CLIC5: variants seen among roughly 807,000 people sequenced by gnomAD.
The protein encoded by CLIC5 is chloride intracellular channel protein 5.
A neutral mutation model predicts 24.7 loss-of-function variants in CLIC5; 20 were observed. The ratio of observed to expected loss-of-function variants is 0.81; its 90% CI spans 0.57 to 1.18. CLIC5 has a LOEUF of 1.18. CLIC5 is among the 50% of genes most tolerant of loss of function. The pLI is 0.00. For synonymous variants in CLIC5, 159 were observed against 135.6 expected, an observed-to-expected ratio of 1.17 and a Z score of -1.20; for missense variants, 341 against 326.1, an observed-to-expected ratio of 1.05 and a Z score of -0.35.
chr6:46,077,188 CAT>C (rs1762794341), intron 1 of CLIC5, among the ~76,000 whole-genome samples: 1 of 151,990 alleles, frequency 6.6e-6, no homozygotes, highest in Non-Finnish European at 1.5e-5. Flanking sequence ...AAATGAATGA[CAT>C]ATGTTACTTA....
intron 1 of CLIC5, among the ~76,000 whole-genome samples, chr6:46,012,210 T>C (rs1427722144): frequency 6.6e-6 from 1 of 152,192 alleles, no homozygotes; most frequent in Non-Finnish European, 1.5e-5. Context: ...ATGGTCTCCT[T>C]ATTTATAACC....
chr6:46,061,697 T>C (rs1475510299), intron 1 of CLIC5, among the ~76,000 whole-genome samples: 3 of 152,214 alleles, frequency 2.0e-5, no homozygotes, highest in Non-Finnish European at 4.4e-5. Flanking sequence ...GACAGCTTTA[T>C]GGAGATTTGT....
At chr6:46,075,054 T>C (rs1331960226) in intron 1 of CLIC5, among the ~76,000 whole-genome samples, 1 of 152,222 alleles carries the variant, frequency 6.6e-6, no homozygotes, top group Non-Finnish European at 1.5e-5. Flanking sequence ...TCACAATAAG[T>C]AATAATTTAG....
At chr6:45,993,226 C>A (rs1407696205) in intron 1 of CLIC5, among the ~76,000 whole-genome samples, 2 of 152,160 alleles carry the variant, frequency 1.3e-5, no homozygotes, top group African/African-American at 4.8e-5. Context: ...AGGAAAATTT[C>A]TGAAATTCTA....
At chr6:46,022,206 A>G (rs1767203586) in intron 1 of CLIC5, among the ~76,000 whole-genome samples, 1 of 152,220 alleles carries the variant, frequency 6.6e-6, no homozygotes, top group Non-Finnish European at 1.5e-5. Flanking sequence ...AATGACATGT[A>G]CTGTAAAATA....
the CLIC5 span, among the ~76,000 whole-genome samples, chr6:46,099,528 T>G: frequency 1.3e-5 from 2 of 152,198 alleles, no homozygotes; most frequent in Non-Finnish European, 2.9e-5. Context: ...GAAATGGACA[T>G]GCACAAAGCT....
chr6:46,097,064 A>T, the CLIC5 span: 5 of 152,208 alleles, frequency 3.3e-5, no homozygotes, highest in Non-Finnish European at 4.4e-5. Context: ...TACACATTTC[A>T]TTCTTTATAA....
the CLIC5 span, among the ~76,000 whole-genome samples, chr6:46,091,103 T>C: frequency 1.3e-5 from 2 of 152,220 alleles, no homozygotes; most frequent in African/African-American, 4.8e-5. Flanking sequence ...GATTCACACA[T>C]CTTCTTTGAG....
intron 1 of CLIC5, among the ~76,000 whole-genome samples, chr6:45,973,443 C>T (rs958483484): frequency 4.6e-5 from 7 of 152,104 alleles, no homozygotes; most frequent in Admixed American, 2.6e-4. Flanking sequence ...AAATGAACAC[C>T]CTTTGTCTCA....
chr6:46,038,580 A>C (rs1344124426), intron 1 of CLIC5, among the ~76,000 whole-genome samples: 6 of 152,248 alleles, frequency 3.9e-5, no homozygotes, highest in Non-Finnish European at 8.8e-5. Flanking sequence ...AGGGAAGTTT[A>C]CTGGCATAAA....
At chr6:46,129,210 T>C in the CLIC5 span, among the ~76,000 whole-genome samples, 42 of 152,350 alleles carry the variant, frequency 2.8e-4, no homozygotes, top group East Asian at 7.5e-3. Flanking sequence ...AGTACTTCTA[T>C]ACCAAGTTCT....
At chr6:46,058,212 T>G (rs1768315051) in intron 1 of CLIC5, among the ~76,000 whole-genome samples, 2 of 152,210 alleles carry the variant, frequency 1.3e-5, no homozygotes, top group South Asian at 4.1e-4. Context: ...GAATTTTAAC[T>G]ACCCAGAGAG....
At chr6:45,969,420 G>A (rs1241049794) in intron 1 of CLIC5, among the ~76,000 whole-genome samples, 2 of 151,976 alleles carry the variant, frequency 1.3e-5, no homozygotes, top group Non-Finnish European at 2.9e-5. Flanking sequence ...CACCCTTTTT[G>A]GAAGGCTGTC....
intron 1 of CLIC5, among the ~76,000 whole-genome samples, chr6:46,021,541 T>A (rs1039806621): frequency 1.3e-5 from 2 of 152,082 alleles, no homozygotes; most frequent in African/African-American, 4.8e-5. Context: ...CAAATGTTCC[T>A]CAATGGGTAA....
rs1762486168 is a variant in CLIC5, at chr6:45,900,563, T to G, written c.*2525A>C. On this transcript the variant is annotated 3_prime_UTR_variant, in exon 6 of 6. Transcript: ENST00000339561. ...AAAAAGGAAGGTAATATTAATATTA[T>G]TGTTACTTTAATATACCATAATAAA... 1 of 151,104 alleles carries G rather than the reference T, an allele frequency of 6.6e-6. No homozygotes were observed. The highest frequency in any genetic ancestry group is 1.5e-5 in the Non-Finnish European group (1 of 67,924). 9.4% of individuals were successfully genotyped at this position (151,104 alleles called of 1,614,324 possible). A position where few individuals can be genotyped will look rare whatever the true frequency, so the allele number is the denominator to read the frequency against.
intron 1 of CLIC5, among the ~76,000 whole-genome samples, chr6:45,985,663 C>T (rs142819076): frequency 4.6e-5 from 7 of 152,130 alleles, no homozygotes; most frequent in Non-Finnish European, 7.4e-5. Context: ...CTAATGCACG[C>T]GAAGTTGGGT....
chr6:45,960,106 A>G (rs574437370), intron 1 of CLIC5, among the ~76,000 whole-genome samples: 1 of 152,320 alleles, frequency 6.6e-6, no homozygotes, highest in East Asian at 1.9e-4. Context: ...TAGCGACCCC[A>G]GAAGTCCATG....
the CLIC5 span, among the ~76,000 whole-genome samples, chr6:46,108,390 G>GTGTA: frequency 9.0e-5 from 13 of 145,148 alleles, no homozygotes; most frequent in Non-Finnish European, 3.0e-5. Context: ...GTGTGTGTGT[G>GTGTA]TGTGTGTGTG....
intron 4 of CLIC5, chr6:45,920,754 C>T (rs200044600): frequency 9.2e-6 from 6 of 653,756 alleles, no homozygotes; most frequent in East Asian, 2.7e-4. Flanking sequence ...CAGGAGCAAG[C>T]GGGATGTAGG....
Sources: gnomAD v4.1 joint callset for allele counts (sites outside exome capture counted in the v4.1 genomes callset) on GRCh38, gnomAD v4.1.1 for gene constraint, MANE v1.5 for transcripts, NCBI Gene and HGNC (gene_info 2026-07-23, HGNC 2026-07-21) for gene names.